The following ABLIM2 variants were observed in gnomAD, a reference collection of about 807,000 sequenced individuals.
ABLIM2 encodes actin binding LIM protein family member 2, also known as actin-binding LIM protein 2.
In ABLIM2, 53 loss-of-function variants were observed where a neutral mutation model predicts 97.7. That is an observed-to-expected ratio of 0.54 (90% CI 0.44 to 0.68). The LOEUF is 0.68. Among genes scored for constraint, ABLIM2 ranks in the 30% least tolerant of loss-of-function variants. The pLI is 0.00. For missense variants in ABLIM2, 835 were observed against 867.2 expected, an observed-to-expected ratio of 0.96 and a Z score of 0.47; for synonymous variants, 361 against 345.8, an observed-to-expected ratio of 1.04 and a Z score of -0.49.
Position 8,106,546 on chromosome 4 carries a change from C to T in ABLIM2, c.102G>A (p.Glu34=). Residue 34 remains glutamate (E), a synonymous_variant, in exon 2 of 21, where the codon GAG becomes GAA. Transcript: ENST00000447017. The part of the protein sequence containing the change: ...CNTCGNVCKG[E]VLRVQDKYFH... ...AGTACTTGTCCTGCACCCGCAGCAC[C>T]TCGCCCTTGCACACATTCCCACACG... is the stretch of plus-strand genomic sequence containing the variant. 6.2e-7 allele frequency: 1 copy of T among 1,606,056 alleles called. No homozygotes were observed.
In ABLIM2 at chr4:8,150,569, C is replaced by A. The variant is rs973492487; in HGVS notation, c.10+8111G>T. Reference sequence around the variant, plus strand: ...CTCGTCTCTCTAAGCACAGAGAAACCAAAGTCCCAAACTTCCAGCACAGGG... The same window carrying A: ...CTCGTCTCTCTAAGCACAGAGAAACAAAAGTCCCAAACTTCCAGCACAGGG... On this transcript the variant is annotated intron_variant, in intron 1 of 20. Transcript: ENST00000447017. This position sits in a 1 kb window ranked among gnomAD's most constrained non-coding sequence, Gnocchi z 6.3. Among the ~76,000 whole-genome samples, 1 of 152,242 alleles carries A rather than the reference C, an allele frequency of 6.6e-6. No individual in the cohort carries two copies. The highest frequency in any genetic ancestry group is 6.5e-5 in the Admixed American group (1 of 15,290).
chr4:8,012,974 C>G (rs1450670739), intron 14 of ABLIM2, among the ~76,000 whole-genome samples: 1 of 152,192 alleles, frequency 6.6e-6, no homozygotes, highest in Non-Finnish European at 1.5e-5. Context: ...CTACTGTGCA[C>G]TGTACTGTCT....
In ABLIM2 at chr4:8,046,648, T is replaced by G. The variant is rs1459482788; in HGVS notation, c.823-1407A>C. On this transcript the variant is annotated intron_variant, in intron 8 of 20. Transcript: ENST00000447017. This position sits in a 1 kb window ranked among gnomAD's most constrained non-coding sequence, Gnocchi z 4.4. ...CCTGCCCATTTCAGGGGCCCATCCA[T>G]GCAGCGGTGCCTGCAGCCCAGGAGG... 6.6e-6 allele frequency among the ~76,000 whole-genome samples: 1 copy of G among 152,204 alleles called. No individual in the cohort carries two copies. The highest frequency in any genetic ancestry group is 2.4e-5 in the African/African-American group (1 of 41,442).
chr4:8,085,880 G>C lies in ABLIM2; in HGVS notation c.454+2289C>G, dbSNP rs1823234975. 6.6e-6 allele frequency among the ~76,000 whole-genome samples: 1 copy of C among 152,202 alleles called. No individual in the cohort carries two copies. The highest frequency in any genetic ancestry group is 2.4e-5 in the African/African-American group (1 of 41,442). On this transcript the variant is annotated intron_variant, in intron 4 of 20. Transcript: ENST00000447017. This position sits in a 1 kb window ranked among gnomAD's most constrained non-coding sequence, Gnocchi z 6.1. ...ACAGCCTCTAGTCCTAGTGGGGTGAGCTCACTTGCTTTGGAGTTGAAAGGC... is the reference window on the plus strand; with the variant it reads ...ACAGCCTCTAGTCCTAGTGGGGTGACCTCACTTGCTTTGGAGTTGAAAGGC...
chr4:8,146,472 A>T (rs1851808756), intron 1 of ABLIM2, among the ~76,000 whole-genome samples: 1 of 152,226 alleles, frequency 6.6e-6, no homozygotes, highest in African/African-American at 2.4e-5. Flanking sequence ...AAATGCTCTT[A>T]TGTTAGCGTG....
intron 20 of ABLIM2, among the ~76,000 whole-genome samples, chr4:7,969,875 C>T (rs1324943834): frequency 3.9e-5 from 6 of 152,114 alleles, no homozygotes; most frequent in East Asian, 1.9e-4. Context: ...GAACCACTTG[C>T]GTGGTGCTGA....
intron 1 of ABLIM2, among the ~76,000 whole-genome samples, chr4:8,152,727 T>A (rs563455980): frequency 1.3e-5 from 2 of 152,214 alleles, no homozygotes; most frequent in African/African-American, 2.4e-5. Flanking sequence ...CTAGGAGCTA[T>A]CCCAGGACAT....
At chr4:8,104,147 C>T (rs1029516820) in intron 2 of ABLIM2, among the ~76,000 whole-genome samples, 6 of 152,284 alleles carry the variant, frequency 3.9e-5, no homozygotes, top group African/African-American at 1.2e-4. Context: ...GCAGCCTGGG[C>T]GGGGGATCCC....
chr4:8,150,616 G>A lies in ABLIM2; in HGVS notation c.10+8064C>T, dbSNP rs1156797920. On this transcript the variant is annotated intron_variant, in intron 1 of 20. Transcript: ENST00000447017. The surrounding 1 kb of genome is among the most constrained non-coding windows in gnomAD (Gnocchi z 6.3). ...AGGGTGCGAGCTCCGTGCCGGAGGC[G>A]GGAGGAGCCACTGCTGCTGCCTGGG... Among the ~76,000 whole-genome samples, 7 of 152,352 alleles carry A rather than the reference G, an allele frequency of 4.6e-5. No homozygotes were observed. The East Asian group carries it at 5.8e-4, about 13-fold the overall frequency.
chr4:7,994,983 AAAAC>A (rs1364132217), intron 16 of ABLIM2, among the ~76,000 whole-genome samples: 1 of 114,254 alleles, frequency 8.8e-6, no homozygotes, highest in Non-Finnish European at 2.1e-5. Flanking sequence ...TTACAAGAAA[AAAAC>A]AAACAACCCC....
chr4:8,071,992 GC>G lies in ABLIM2; in HGVS notation c.675+5635del. On this transcript the variant is annotated intron_variant, in intron 6 of 20. Coordinates refer to ENST00000447017, the MANE Select transcript of ABLIM2 (RefSeq NM_001130083.2). This position sits in a 1 kb window ranked among gnomAD's most constrained non-coding sequence, Gnocchi z 6.2. ...GCGGCGGCAGCTCCCCTTCTGCGGA[GC>G]CAGGCTTGTCCCCGCCCGCAGTTCC... 1.0e-6 allele frequency: 1 copy of G among 985,522 alleles called. No homozygotes were observed. Among genetic ancestry groups the G allele is most frequent in the Non-Finnish European group, 1.2e-6 (1 of 830,020 alleles). The allele number at this position is 985,522 out of a possible 1,614,324, so 61.0% of individuals were successfully genotyped here.
Position 8,117,726 on chromosome 4 carries a change from T to G in ABLIM2, c.11-11089A>C, listed in dbSNP as rs554239495. On this transcript the variant is annotated intron_variant, in intron 1 of 20. Transcript: ENST00000447017. ...CTCGACCGAGAAGACCTAACCGTAC[T>G]GGGATGACTTTATTATCTCCTGGGC... Among the ~76,000 whole-genome samples, 8 of 152,218 alleles carry G rather than the reference T, an allele frequency of 5.3e-5. No individual in the cohort carries two copies. In the South Asian group the frequency reaches 1.7e-3, roughly 32 times the overall value.
chr4:8,114,658 T>C (rs961763334), intron 1 of ABLIM2, among the ~76,000 whole-genome samples: 3 of 152,166 alleles, frequency 2.0e-5, no homozygotes, highest in African/African-American at 7.2e-5. Flanking sequence ...ACCACGGCCA[T>C]CACTGCCTGG....
At position 8,155,967 on chromosome 4, in the gene ABLIM2, T is replaced by C. The variant is rs1715181080; in HGVS notation, c.10+2713A>G. Among the ~76,000 whole-genome samples, 1 of 152,200 alleles carries C rather than the reference T, an allele frequency of 6.6e-6. No individual in the cohort carries two copies. The highest frequency in any genetic ancestry group is 2.4e-5 in the African/African-American group (1 of 41,430). On this transcript the variant is annotated intron_variant, in intron 1 of 20. Transcript: ENST00000447017. This position sits in a 1 kb window ranked among gnomAD's most constrained non-coding sequence, Gnocchi z 4.2. The stretch of plus-strand genomic sequence containing the variant: ...ACCTTGATCTCAGACTTCTGGCCTC[T>C]AGAATCAGCAAAAAAATAAGTGTCT...
intron 1 of ABLIM2, among the ~76,000 whole-genome samples, chr4:8,131,369 C>T (rs1188898118): frequency 6.6e-6 from 1 of 152,224 alleles, no homozygotes; most frequent in Non-Finnish European, 1.5e-5. Flanking sequence ...TGCTGCGACC[C>T]ACTAAACTGA....
At chr4:8,038,329 C>T (rs1156458957) in intron 9 of ABLIM2, among the ~76,000 whole-genome samples, 1 of 152,206 alleles carries the variant, frequency 6.6e-6, no homozygotes, top group Non-Finnish European at 1.5e-5. Flanking sequence ...CACCACAGCT[C>T]TCCCCTTTCC....
chr4:8,086,547 C>T (rs986215627), intron 4 of ABLIM2, among the ~76,000 whole-genome samples: 1 of 152,068 alleles, frequency 6.6e-6, no homozygotes, highest in Non-Finnish European at 1.5e-5. Flanking sequence ...AGGGCCTCAC[C>T]ATGTCCAGGC....
At chr4:8,042,721 C>G (rs1560891287) in intron 9 of ABLIM2, among the ~76,000 whole-genome samples, 1 of 151,866 alleles carries the variant, frequency 6.6e-6, no homozygotes, top group Non-Finnish European at 1.5e-5. Flanking sequence ...TGTCTATAAT[C>G]CTAGCTACTT....
At chr4:8,048,473 A>C (rs1476362632) in intron 8 of ABLIM2, among the ~76,000 whole-genome samples, 4 of 151,792 alleles carry the variant, frequency 2.6e-5, no homozygotes, top group African/African-American at 9.7e-5. Flanking sequence ...TCTCATCTCC[A>C]TGTGAAAGCT....
Sources: allele counts gnomAD v4.1 joint callset (sites outside exome capture counted in the v4.1 genomes callset), GRCh38; gene constraint gnomAD v4.1.1; non-coding constraint Gnocchi (gnomAD v3.1); transcripts MANE v1.5; gene names NCBI Gene and HGNC (gene_info 2026-07-23, HGNC 2026-07-21).